DEPDC5: variants seen among roughly 807,000 people sequenced by gnomAD.
The protein encoded by DEPDC5 is DEP domain containing 5, GATOR1 subcomplex subunit.
DEPDC5 carries 73 observed loss-of-function variants against 217.3 expected under a neutral mutation model. The ratio of observed to expected loss-of-function variants is 0.34; its 90% CI spans 0.28 to 0.41. The LOEUF is 0.41. Among genes scored for constraint, DEPDC5 ranks in the 10% least tolerant of loss-of-function variants. DEPDC5 has a pLI of 1.00. For missense variants in DEPDC5, 1,675 were observed against 2,070.1 expected (o/e 0.81, Z 3.70); for synonymous variants, 733 against 756.7 (o/e 0.97, Z 0.51).
chr22:31,846,610 T>C (rs1215486784), intron 30 of DEPDC5, among the ~76,000 whole-genome samples: 1 of 152,190 alleles, frequency 6.6e-6, no homozygotes, highest in African/African-American at 2.4e-5. Flanking sequence ...GTGGTGAGGG[T>C]GAAATGAGGA....
intron 39 of DEPDC5, among the ~76,000 whole-genome samples, chr22:31,897,098 C>T (rs916746489): frequency 1.3e-5 from 2 of 150,478 alleles, no homozygotes; most frequent in Non-Finnish European, 3.0e-5. Context: ...GCCTGGGCAA[C>T]AGAGAAAGAC....
chr22:31,878,801 G>T (rs1373639528), intron 37 of DEPDC5, among the ~76,000 whole-genome samples: 1 of 151,788 alleles, frequency 6.6e-6, no homozygotes, highest in Non-Finnish European at 1.5e-5. Context: ...CACTTTGGGA[G>T]GCCAAGGCAG....
chr22:31,906,256 A>G lies in DEPDC5; in HGVS notation c.4571A>G (p.Gln1524Arg), dbSNP rs377585542. 6.2e-6 allele frequency: 10 copies of G among 1,613,958 alleles called. No homozygotes were observed. The highest frequency in any genetic ancestry group is 2.2e-5 in the East Asian group (1 of 44,876). ...TCCAAGCGCAAGTTCTCAGGGCAGC[A>G]GCGGCGGCGGCGGAACTCCACCAGC... is the stretch of plus-strand genomic sequence containing the variant. ...PYSKRKFSGQ[Q>R]RRRRNSTSST... is the part of the protein sequence containing the mutation. Residue 1524 changes from glutamine to arginine, a missense_variant, in exon 43 of 43, where the codon CAG becomes CGG. By Grantham distance (43) the Gln-to-Arg change is conservative. Transcript: ENST00000651528. The surrounding 1 kb of genome is among the most constrained non-coding windows in gnomAD (Gnocchi z 5.1).
chr22:31,820,920 C>T (rs2089633994), intron 22 of DEPDC5, among the ~76,000 whole-genome samples: 1 of 152,194 alleles, frequency 6.6e-6, no homozygotes, highest in Admixed American at 6.6e-5. Context: ...TTGCCTCTTT[C>T]AGGTTTGGGA....
rs117654698 is a variant in DEPDC5 at position 31,883,754 on chromosome 22, C to T, written c.4033+4002C>T. ...CCTGAACTCCAAGCACACTGCATTT[C>T]GGCCCAAGGAGACAAAAGTCAAAGC... is the stretch of plus-strand genomic sequence containing the variant. On this transcript the variant is annotated intron_variant, in intron 38 of 42. Coordinates refer to ENST00000651528, the MANE Select transcript of DEPDC5 (RefSeq NM_001242896.3). Among the ~76,000 whole-genome samples, 1,210 of 152,316 alleles carry T rather than the reference C, an allele frequency of 7.9e-3. 10 individuals are homozygous for T. The highest frequency in any genetic ancestry group is 0.011 in the Non-Finnish European group (765 of 68,036).
chr22:31,802,085 T>A (rs2086921752), intron 14 of DEPDC5, among the ~76,000 whole-genome samples: 1 of 147,926 alleles, frequency 6.8e-6, no homozygotes, highest in Non-Finnish European at 1.5e-5. Flanking sequence ...AAAGTTTTAC[T>A]ACAGATTCAT....
At chr22:31,887,878 A>T (rs529878179) in intron 38 of DEPDC5, among the ~76,000 whole-genome samples, 95 of 152,294 alleles carry the variant, frequency 6.2e-4, no homozygotes, top group Non-Finnish European at 1.0e-3. Flanking sequence ...TTTTCTTTAA[A>T]TTGAGCTGTA....
At chr22:31,842,408 T>C (rs139284230) in intron 27 of DEPDC5, among the ~76,000 whole-genome samples, 58 of 152,138 alleles carry the variant, frequency 3.8e-4, no homozygotes, top group Non-Finnish European at 6.9e-4. Context: ...AAACCCCGTC[T>C]CCACTAAAAA....
At chr22:31,756,026 C>T (rs2075299047) in intron 2 of DEPDC5, among the ~76,000 whole-genome samples, 1 of 150,536 alleles carries the variant, frequency 6.6e-6, no homozygotes, top group African/African-American at 2.4e-5. Context: ...GTGCATGCCG[C>T]CACACCTGGC....
intron 7 of DEPDC5, among the ~76,000 whole-genome samples, chr22:31,769,942 T>C (rs1165955568): frequency 6.7e-6 from 1 of 149,002 alleles, no homozygotes; most frequent in East Asian, 2.0e-4. Flanking sequence ...ATTCAGAAAG[T>C]ATTTCAGGTG....
intron 38 of DEPDC5, among the ~76,000 whole-genome samples, chr22:31,887,992 A>G (rs1416605593): frequency 6.6e-6 from 1 of 152,052 alleles, no homozygotes; most frequent in African/African-American, 2.4e-5. Context: ...TTTTTGTTTC[A>G]ACATGTTCCT....
At chr22:31,817,407 G>T in intron 21 of DEPDC5, 2 of 442,878 alleles carry the variant, frequency 4.5e-6, no homozygotes, top group Non-Finnish European at 9.0e-6. Context: ...ACCTTGCCTG[G>T]CCAAAGTGAC....
chr22:31,881,130 A>G (rs948846085), intron 38 of DEPDC5, among the ~76,000 whole-genome samples: 3 of 151,556 alleles, frequency 2.0e-5, no homozygotes, highest in African/African-American at 7.3e-5. Context: ...GGGCAACATG[A>G]TGAAATTCTG....
chr22:31,845,073 G>T lies in DEPDC5; in HGVS notation c.2857G>T (p.Val953Phe). Residue 953 changes from valine to phenylalanine, a missense_variant, in exon 30 of 43, where the codon GTC (valine) becomes TTC (phenylalanine). Around this residue, in one of 11 missense-constraint regions of DEPDC5, gnomAD observed 293 missense variants for 386.1 expected, o/e 0.76. Coordinates refer to ENST00000651528, the MANE Select transcript of DEPDC5 (RefSeq NM_001242896.3). ...RTRFLLLPACVTATKRITEGE... is the reference protein window; with the variant it reads ...RTRFLLLPACFTATKRITEGE... ...CCGCTTCCTGCTGCTGCCAGCCTGT[G>T]TCACCGCCACCAAGCGCATCACGGA... The T allele has an allele frequency of 6.2e-7, 1 of 1,614,160 alleles. No individual in the cohort carries two copies. Among genetic ancestry groups the T allele is most frequent in the Non-Finnish European group, 8.5e-7 (1 of 1,180,004 alleles).
intron 17 of DEPDC5, among the ~76,000 whole-genome samples, chr22:31,805,418 C>T (rs1204870718): frequency 6.6e-6 from 1 of 152,126 alleles, no homozygotes. Context: ...TTATGAATTC[C>T]TCCTGTGCTG....
intron 14 of DEPDC5, among the ~76,000 whole-genome samples, chr22:31,802,192 C>T (rs1229256433): frequency 1.4e-5 from 2 of 145,394 alleles, no homozygotes; most frequent in East Asian, 2.0e-4. Context: ...TGCAGTGGCA[C>T]GATCTTGGCT....
intron 2 of DEPDC5, chr22:31,757,508 C>G (rs1016478041): frequency 1.4e-4 from 21 of 151,986 alleles, no homozygotes; most frequent in Non-Finnish European, 1.9e-4. Context: ...TAAAAGAAAA[C>G]AAAAAAATTT....
chr22:31,874,241 C>T, intron 35 of DEPDC5, 32 bp from the exon 36 acceptor site: 2 of 1,594,960 alleles, frequency 1.3e-6, no homozygotes, highest in Non-Finnish European at 1.7e-6. Flanking sequence ...CACACACATC[C>T]CCTGCTCCCC....
chr22:31,894,383 A>G (rs1211917715), intron 39 of DEPDC5: 1 of 149,708 alleles, frequency 6.7e-6, no homozygotes, highest in East Asian at 2.0e-4. Context: ...TTTTATTATT[A>G]TTGTTATTGG....
Sources: allele counts gnomAD v4.1 joint callset (sites outside exome capture counted in the v4.1 genomes callset), GRCh38; gene constraint gnomAD v4.1.1; regional missense constraint gnomAD v4.1.1; non-coding constraint Gnocchi (gnomAD v3.1); transcripts MANE v1.5; gene names NCBI Gene and HGNC (gene_info 2026-07-23, HGNC 2026-07-21).